VCL: variants seen among roughly 807,000 people sequenced by gnomAD.
VCL encodes vinculin, also known as epididymis luminal protein 114.
VCL carries 47 observed loss-of-function variants against 125.7 expected under a neutral mutation model. The ratio of observed to expected loss-of-function variants is 0.37; its 90% CI spans 0.30 to 0.48. The LOEUF (loss-of-function observed/expected upper bound fraction) is 0.48. VCL is among the 20% of genes least tolerant of loss of function. VCL has a pLI of 0.99. For synonymous variants in VCL, 458 were observed against 514.6 expected (o/e 0.89, Z 1.49); for missense variants, 1,069 against 1,455.5 (o/e 0.73, Z 4.32).
intron 21 of VCL, among the ~76,000 whole-genome samples, chr10:74,117,279 A>T (rs1031636609): frequency 2.0e-5 from 3 of 152,214 alleles, no homozygotes; most frequent in Non-Finnish European, 4.4e-5. Context: ...TAGTATGAAG[A>T]CAGAAAAAAC....
At chr10:74,012,946 C>T (rs566385148) in intron 1 of VCL, among the ~76,000 whole-genome samples, 107 of 152,048 alleles carry the variant, frequency 7.0e-4, no homozygotes, top group African/African-American at 2.5e-3. Context: ...TATATTTTTT[C>T]CTTATTATGC....
chr10:74,009,764 C>T (rs1591648583), intron 1 of VCL, among the ~76,000 whole-genome samples: 1 of 151,294 alleles, frequency 6.6e-6, no homozygotes, highest in East Asian at 2.0e-4. Flanking sequence ...CATGCGTCAC[C>T]ACACCTGGCT....
intron 13 of VCL, among the ~76,000 whole-genome samples, chr10:74,100,102 A>G (rs897840982): frequency 7.9e-5 from 12 of 152,204 alleles, no homozygotes; most frequent in African/African-American, 2.4e-4. Context: ...CAGTTCTAAT[A>G]ATGCAGTAAG....
intron 13 of VCL, among the ~76,000 whole-genome samples, chr10:74,100,712 C>T (rs547438252): frequency 5.3e-5 from 8 of 151,918 alleles, no homozygotes; most frequent in African/African-American, 1.7e-4. Flanking sequence ...AGGTTATGTG[C>T]GTGTGTGTGT....
intron 11 of VCL, among the ~76,000 whole-genome samples, 197 bp downstream of exon 11, chr10:74,094,658 T>A (rs1162149490): frequency 6.6e-6 from 1 of 152,184 alleles, no homozygotes; most frequent in Non-Finnish European, 1.5e-5. Context: ...TGGTGGCTCA[T>A]GTTTGTAATC....
At chr10:74,090,263 T>A in intron 10 of VCL, 65 bp downstream of exon 10, 1 of 1,578,236 alleles carries the variant, frequency 6.3e-7, no homozygotes, top group South Asian at 1.1e-5. Context: ...CCCTTCCCTC[T>A]CCCTTTCTTT....
chr10:74,112,987 T>C (rs1250836190), intron 19 of VCL, among the ~76,000 whole-genome samples: 4 of 152,178 alleles, frequency 2.6e-5, no homozygotes, highest in Non-Finnish European at 5.9e-5. Flanking sequence ...CTTCTTCCCA[T>C]ACCTGCGTTC....
chr10:74,005,429 T>G (rs1202015446), intron 1 of VCL: 1 of 152,014 alleles, frequency 6.6e-6, no homozygotes, highest in Non-Finnish European at 1.5e-5. Flanking sequence ...TAATTTTTTG[T>G]ATTTTTAGTA....
intron 2 of VCL, among the ~76,000 whole-genome samples, chr10:74,052,374 G>GTTTTT (rs141633935): frequency 1.2e-4 from 13 of 113,028 alleles, no homozygotes; most frequent in Non-Finnish European, 1.1e-4. Flanking sequence ...TCTTCAGTTA[G>GTTTTT]TTTTTTTTTT....
intron 1 of VCL, among the ~76,000 whole-genome samples, chr10:74,009,720 C>G (rs575657899): frequency 6.6e-6 from 1 of 151,890 alleles, no homozygotes; most frequent in Non-Finnish European, 1.5e-5. Flanking sequence ...AGCAGTTCTC[C>G]TGTTTCAGCC....
intron 1 of VCL, among the ~76,000 whole-genome samples, chr10:74,033,330 C>G (rs1840916223): frequency 6.6e-6 from 1 of 152,022 alleles, no homozygotes. Context: ...TAGTGTTTAC[C>G]TAAGATTAGG....
At chr10:74,120,996 C>G (rs6480718), downstream of VCL, 111,080 of 152,038 alleles carry the variant, frequency 0.73, 41,305 homozygotes, top group Middle Eastern at 0.85. Context: ...ATCACTTTTT[C>G]CCTGATTTTC....
chr10:74,003,166 G>A (rs1215345718), intron 1 of VCL, among the ~76,000 whole-genome samples: 2 of 151,792 alleles, frequency 1.3e-5, no homozygotes, highest in African/African-American at 2.4e-5. Context: ...TCTGCCTCCC[G>A]GGTTCAAGTG....
intron 1 of VCL, among the ~76,000 whole-genome samples, chr10:74,015,420 G>A (rs1181568454): frequency 1.3e-5 from 2 of 152,110 alleles, no homozygotes; most frequent in African/African-American, 2.4e-5. Context: ...CGGGCGTGGT[G>A]GCTTGCGCCT....
At position 74,065,402 on chromosome 10, in the gene VCL, G is replaced by A. The variant is rs112325981; in HGVS notation, c.240-5268G>A. On this transcript the variant is annotated intron_variant, in intron 2 of 21. Coordinates refer to ENST00000211998, the MANE Select transcript of VCL (RefSeq NM_014000.3). ...TCCACTTACCTCGGCCTCCCAGAGT[G>A]CTGGGTTTACAGGTGTGAGCCACTG... Among the ~76,000 whole-genome samples the A allele has an allele frequency of 2.9e-4, 44 of 152,198 alleles. 1 individual carries two copies. Among genetic ancestry groups the A allele is most frequent in the African/African-American group, 9.4e-4 (39 of 41,544 alleles).
intron 2 of VCL, among the ~76,000 whole-genome samples, chr10:74,051,468 A>T (rs1033093189): frequency 6.6e-6 from 1 of 152,156 alleles, no homozygotes; most frequent in African/African-American, 2.4e-5. Flanking sequence ...AGCTCTGCTC[A>T]ATTTCTTAAA....
chr10:74,119,082 A>G lies in VCL; in HGVS notation c.*913A>G, dbSNP rs1840355804. On this transcript the variant is annotated 3_prime_UTR_variant, in exon 22 of 22. Transcript: ENST00000211998. ...CTGCAGAGGTCTGTGCTGAGGCCTT[A>G]TCATTCATTCTTAGCTCTTAATTGT... 6.6e-6 allele frequency: 1 copy of G among 152,644 alleles called. No individual in the cohort carries two copies. Among genetic ancestry groups the G allele is most frequent in the African/African-American group, 2.4e-5 (1 of 41,452 alleles). 9.5% of individuals were successfully genotyped at this position (152,644 alleles called of 1,614,324 possible).
At chr10:74,018,166 GATATATATAGGAT>G (rs1179356733) in intron 1 of VCL, among the ~76,000 whole-genome samples, 2 of 65,364 alleles carry the variant, frequency 3.1e-5, no homozygotes. Context: ...AAAATGTGAG[GATATATATAGGAT>G]ATATATATAT....
Position 74,018,177 on chromosome 10 carries a change from GATATATATATATAT to G in VCL, c.168+19814_168+19827del, listed in dbSNP as rs72407698. Reference sequence around the variant, plus strand: ...TGGTAAAATGTGAGGATATATATAGGATATATATATATATATATATATATAAATACATATATATA... The same window carrying G: ...TGGTAAAATGTGAGGATATATATAGGATATATATATAAATACATATATATA... On this transcript the variant is annotated intron_variant, in intron 1 of 21. Transcript: ENST00000211998. Among the ~76,000 whole-genome samples the G allele has an allele frequency of 1.1e-3, 93 of 81,880 alleles. 3 individuals are homozygous for G. Among genetic ancestry groups the G allele is most frequent in the Non-Finnish European group, 1.5e-3 (57 of 38,452 alleles). The allele number at this position is 81,880 out of a possible 152,430, so 53.7% of individuals were successfully genotyped here. A position where few individuals can be genotyped will look rare whatever the true frequency, so the allele number is the denominator to read the frequency against.
Sources: gnomAD v4.1 joint callset for allele counts (sites outside exome capture counted in the v4.1 genomes callset) on GRCh38, gnomAD v4.1.1 for gene constraint, MANE v1.5 for transcripts, NCBI Gene and HGNC (gene_info 2026-07-23, HGNC 2026-07-21) for gene names.